DCT: variants seen among roughly 807,000 people sequenced by gnomAD.
The protein encoded by DCT is L-dopachrome tautomerase.
Under a neutral mutation model 53.0 loss-of-function variants are expected in DCT, and 47 were observed. That is an observed-to-expected ratio of 0.89 (90% CI 0.70 to 1.13). The LOEUF (loss-of-function observed/expected upper bound fraction) is 1.13, where lower values mean the gene tolerates loss of function less well. Among genes scored for constraint, DCT ranks in the 50% most tolerant of loss-of-function variants. The pLI, the probability that DCT is intolerant of heterozygous loss-of-function variation, is 0.00. For synonymous variants in DCT, 244 were observed against 237.0 expected, an observed-to-expected ratio of 1.03 and a Z score of -0.27; for missense variants, 669 against 637.4, an observed-to-expected ratio of 1.05 and a Z score of -0.53.
intron 6 of DCT, among the ~76,000 whole-genome samples, chr13:94,449,598 GCA>G (rs953498147): frequency 2.6e-5 from 4 of 152,148 alleles, no homozygotes; most frequent in African/African-American, 9.7e-5. Flanking sequence ...ACAGATAAAA[GCA>G]CACACAGGTC....
chr13:94,545,403 A>G, the DCT span, among the ~76,000 whole-genome samples: 2 of 152,154 alleles, frequency 1.3e-5, no homozygotes, highest in East Asian at 1.9e-4. Context: ...GGAAATAACA[A>G]TCTGAGAAGC....
chr13:94,515,769 G>A, the DCT span, among the ~76,000 whole-genome samples: 1 of 152,172 alleles, frequency 6.6e-6, no homozygotes, highest in Non-Finnish European at 1.5e-5. Context: ...TGTCTACACT[G>A]CCTACAGCAC....
the DCT span, among the ~76,000 whole-genome samples, chr13:94,518,910 T>C: frequency 1.3e-5 from 2 of 152,200 alleles, no homozygotes; most frequent in Non-Finnish European, 2.9e-5. Flanking sequence ...TCCCTTTAAG[T>C]TGCAGTCTTG....
At position 94,438,438 on chromosome 13, in the gene DCT, T is replaced by A. The variant is rs1540979; in HGVS notation, c.*1460A>T. Reference sequence around the variant, plus strand: ...CCATTTCTCTGGCTTTAGCAGTCCTTTTGCATGGGGTAAACTGGTTCTTGA... The same window carrying A: ...CCATTTCTCTGGCTTTAGCAGTCCTATTGCATGGGGTAAACTGGTTCTTGA... On this transcript the variant is annotated 3_prime_UTR_variant, in exon 8 of 8. Coordinates refer to ENST00000377028, the MANE Select transcript of DCT (RefSeq NM_001922.5). 0.82 allele frequency: 237,360 copies of A among 288,804 alleles called. 100,356 individuals carry two copies. The highest frequency in any genetic ancestry group is 0.94 in the African/African-American group (42,209 of 44,912). 17.9% of individuals were successfully genotyped at this position (288,804 alleles called of 1,614,324 possible).
the DCT span, among the ~76,000 whole-genome samples, chr13:94,548,372 C>T: frequency 6.6e-6 from 1 of 151,958 alleles, no homozygotes; most frequent in African/African-American, 2.4e-5. Context: ...ATATGAGTTT[C>T]CCTTCCCCCT....
chr13:94,501,605 C>T, the DCT span, among the ~76,000 whole-genome samples: 10 of 151,670 alleles, frequency 6.6e-5, no homozygotes, highest in East Asian at 7.8e-4. Flanking sequence ...CTTGCAGTCA[C>T]GGTACTTATG....
chr13:94,518,546 C>T, the DCT span, among the ~76,000 whole-genome samples: 1 of 152,194 alleles, frequency 6.6e-6, no homozygotes, highest in African/African-American at 2.4e-5. Context: ...AATCCATCAT[C>T]AAATTCTGTT....
the DCT span, among the ~76,000 whole-genome samples, chr13:94,513,345 C>A: frequency 6.6e-6 from 1 of 152,196 alleles, no homozygotes; most frequent in Non-Finnish European, 1.5e-5. Context: ...TCTCTCCACT[C>A]AAAGTGCTTT....
intron 1 of DCT, 59 bp downstream of exon 1, chr13:94,478,902 A>C: frequency 6.7e-7 from 1 of 1,486,218 alleles, no homozygotes; most frequent in Non-Finnish European, 9.1e-7. Context: ...TCTCTTCCTT[A>C]GAAGGAGCTC....
chr13:94,464,594 C>A (rs1884036716), intron 4 of DCT, among the ~76,000 whole-genome samples: 1 of 151,744 alleles, frequency 6.6e-6, no homozygotes, highest in South Asian at 2.1e-4. Context: ...GAGCCGAGAT[C>A]ACGTCACTGC....
At chr13:94,532,975 A>G in the DCT span, among the ~76,000 whole-genome samples, 1 of 152,160 alleles carries the variant, frequency 6.6e-6, no homozygotes, top group Non-Finnish European at 1.5e-5. Context: ...TTAACCCATC[A>G]TTTCTCAAAG....
chr13:94,520,444 C>A, the DCT span, among the ~76,000 whole-genome samples: 1 of 152,116 alleles, frequency 6.6e-6, no homozygotes, highest in Non-Finnish European at 1.5e-5. Flanking sequence ...GGTGGCGAGG[C>A]CTGCCATAAG....
intron 7 of DCT, among the ~76,000 whole-genome samples, chr13:94,440,679 T>TG (rs1882232245): frequency 1.4e-5 from 2 of 143,302 alleles, no homozygotes; most frequent in Non-Finnish European, 3.1e-5. Context: ...TTTTTTGGTT[T>TG]TTTTTTTTTT....
the DCT span, among the ~76,000 whole-genome samples, chr13:94,525,551 C>T: frequency 6.6e-6 from 1 of 152,216 alleles, no homozygotes; most frequent in Non-Finnish European, 1.5e-5. Flanking sequence ...GACACCCTGC[C>T]TCCTTCATTG....
chr13:94,443,752 A>T, intron 6 of DCT, 115 bp from the exon 7 acceptor site: 1 of 811,894 alleles, frequency 1.2e-6, no homozygotes, highest in Non-Finnish European at 2.0e-6. Flanking sequence ...GAACTTCTGT[A>T]TACCCATGTG....
chr13:94,496,194 ATTTATT>A, the DCT span, among the ~76,000 whole-genome samples: 1 of 152,106 alleles, frequency 6.6e-6, no homozygotes, highest in African/African-American at 2.4e-5. Flanking sequence ...TCCTGGCATT[ATTTATT>A]TTTATTTTTA....
chr13:94,456,975 C>G (rs1413069877), intron 6 of DCT, among the ~76,000 whole-genome samples: 2 of 152,148 alleles, frequency 1.3e-5, no homozygotes, highest in Non-Finnish European at 2.9e-5. Context: ...ACTCAAAATA[C>G]AAACATTAGC....
chr13:94,484,673 T>TGCA (rs1308563465), upstream of DCT, among the ~76,000 whole-genome samples: 4 of 152,200 alleles, frequency 2.6e-5, no homozygotes, highest in Non-Finnish European at 5.9e-5. Context: ...CATGCCATGG[T>TGCA]CTTTCCTCTC....
the DCT span, among the ~76,000 whole-genome samples, chr13:94,522,808 C>A: frequency 6.6e-6 from 1 of 152,134 alleles, no homozygotes; most frequent in African/African-American, 2.4e-5. Context: ...TCTTATTTAG[C>A]AAAGGTTATA....
Sources: allele counts gnomAD v4.1 joint callset (sites outside exome capture counted in the v4.1 genomes callset), GRCh38; gene constraint gnomAD v4.1.1; transcripts MANE v1.5; gene names NCBI Gene and HGNC (gene_info 2026-07-23, HGNC 2026-07-21).